Variants in MTCL1 observed in about 807,000 individuals in gnomAD.
The protein encoded by MTCL1 is microtubule cross-linking factor 1.
In MTCL1, 79 loss-of-function variants were observed where a neutral mutation model predicts 141.4. The observed-to-expected ratio is 0.56, with a 90% CI of 0.47 to 0.67. The LOEUF (loss-of-function observed/expected upper bound fraction) is 0.67, where lower values mean the gene tolerates loss of function less well. MTCL1 is among the 30% of genes least tolerant of loss of function. The pLI, the probability that MTCL1 is intolerant of heterozygous loss-of-function variation, is 0.00. For missense variants in MTCL1, 2,177 were observed against 2,113.9 expected (o/e 1.03, Z -0.59); for synonymous variants, 914 against 875.8 (o/e 1.04, Z -0.77).
chr18:8,741,696 T>A (rs1442572681), intron 4 of MTCL1, among the ~76,000 whole-genome samples: 1 of 152,176 alleles, frequency 6.6e-6, no homozygotes, highest in Non-Finnish European at 1.5e-5. Flanking sequence ...CGCAAATCAG[T>A]TAATGGGTAC....
intron 8 of MTCL1, among the ~76,000 whole-genome samples, chr18:8,795,069 G>A (rs1029611738): frequency 1.3e-5 from 2 of 152,208 alleles, no homozygotes; most frequent in African/African-American, 4.8e-5. Context: ...CTGAGATGAT[G>A]AATAAAATCA....
rs114190580 is a variant in MTCL1, at chr18:8,752,886, G to A, written c.358-24947G>A. Among the ~76,000 whole-genome samples, 1,359 of 152,292 alleles carry A rather than the reference G, an allele frequency of 8.9e-3. 15 individuals are homozygous for A. The highest frequency in any genetic ancestry group is 0.031 in the African/African-American group (1,270 of 41,544). ...CACAGTGAGCCATAATGAGGCCTGA[G>A]TACAGTGCCACAAAGAGCTGGACAT... On this transcript the variant is annotated intron_variant, in intron 4 of 16. Transcript: ENST00000359865.
chr18:8,774,327 T>C (rs894799589), intron 4 of MTCL1, among the ~76,000 whole-genome samples: 2 of 152,142 alleles, frequency 1.3e-5, no homozygotes, highest in Non-Finnish European at 2.9e-5. Context: ...CAAAATGGTT[T>C]GGAAGAAACA....
rs112073373 is a variant in MTCL1 at position 8,724,373 on chromosome 18, T to C, written c.357+3877T>C. ...TTGCAGTGAGCCGAGATCGCGCCATTGCACTCCAACTTGGGCAACAAGAGC... is the reference window on the plus strand; with the variant it reads ...TTGCAGTGAGCCGAGATCGCGCCATCGCACTCCAACTTGGGCAACAAGAGC... On this transcript the variant is annotated intron_variant, in intron 4 of 16. Transcript: ENST00000359865. Among the ~76,000 whole-genome samples, 265 of 152,240 alleles carry C rather than the reference T, an allele frequency of 1.7e-3. 2 individuals carry two copies. The highest frequency in any genetic ancestry group is 6.0e-3 in the African/African-American group (250 of 41,542).
chr18:8,786,003 G>A lies in MTCL1; in HGVS notation c.1799G>A (p.Arg600His), dbSNP rs373511257. The A allele has an allele frequency of 1.2e-4, 186 of 1,606,938 alleles. No individual in the cohort carries two copies. Among genetic ancestry groups the A allele is most frequent in the East Asian group, 7.1e-4 (32 of 44,768 alleles). Reference sequence around the variant, plus strand: ...CGAGGGGACGAGCGGGAGAGCCTGCGCCTCCGAGCCGCGCGGGAGCTGCAC... The same window carrying A: ...CGAGGGGACGAGCGGGAGAGCCTGCACCTCCGAGCCGCGCGGGAGCTGCAC... Residue 600 changes from arginine to histidine, a missense_variant, in exon 7 of 17, where the codon CGC (arginine) becomes CAC (histidine). Arg to His is a conservative substitution (Grantham distance 29). Coordinates refer to ENST00000359865, the Ensembl canonical transcript of MTCL1.
intron 4 of MTCL1, among the ~76,000 whole-genome samples, chr18:8,773,008 A>G (rs563454480): frequency 6.6e-6 from 1 of 152,316 alleles, no homozygotes; most frequent in South Asian, 2.1e-4. Flanking sequence ...CACTATGTGT[A>G]TTCTGAGATG....
At chr18:8,748,984 A>G (rs1391127787) in intron 4 of MTCL1, among the ~76,000 whole-genome samples, 2 of 152,242 alleles carry the variant, frequency 1.3e-5, no homozygotes, top group Non-Finnish European at 1.5e-5. Flanking sequence ...TCACTCTGCT[A>G]GCACATGATG....
At chr18:8,726,504 C>T (rs1284893762) in intron 4 of MTCL1, among the ~76,000 whole-genome samples, 2 of 87,364 alleles carry the variant, frequency 2.3e-5, no homozygotes, top group Non-Finnish European at 2.6e-5. Flanking sequence ...AGCGCGCGCG[C>T]GCGCAAGAGC....
chr18:8,771,012 G>A (rs750280895), intron 4 of MTCL1, among the ~76,000 whole-genome samples: 1 of 152,188 alleles, frequency 6.6e-6, no homozygotes, highest in Non-Finnish European at 1.5e-5. Flanking sequence ...AAAGGGATGA[G>A]TGAACAGGAG....
chr18:8,749,097 C>T (rs773415606), intron 4 of MTCL1, among the ~76,000 whole-genome samples: 9 of 152,214 alleles, frequency 5.9e-5, no homozygotes, highest in Non-Finnish European at 8.8e-5. Context: ...ATTTGTTTGG[C>T]AGCATTAAAA....
At chr18:8,791,935 A>G (rs2075742308) in intron 7 of MTCL1, among the ~76,000 whole-genome samples, 1 of 151,924 alleles carries the variant, frequency 6.6e-6, no homozygotes, top group Non-Finnish European at 1.5e-5. Flanking sequence ...TTTCCTTAAT[A>G]CCCCTTTCTC....
chr18:8,814,502 A>G (rs1360091084), intron 12 of MTCL1, among the ~76,000 whole-genome samples: 1 of 152,248 alleles, frequency 6.6e-6, no homozygotes, highest in Admixed American at 6.5e-5. Flanking sequence ...GAAATGCAGC[A>G]CTTGTGAAGA....
At chr18:8,758,842 T>A (rs183491359) in intron 4 of MTCL1, among the ~76,000 whole-genome samples, 25 of 152,332 alleles carry the variant, frequency 1.6e-4, no homozygotes, top group South Asian at 6.2e-4. Context: ...GGAAACCAGA[T>A]GACAAGATTC....
chr18:8,764,955 GA>G (rs1449887185), intron 4 of MTCL1, among the ~76,000 whole-genome samples: 1 of 152,194 alleles, frequency 6.6e-6, no homozygotes, highest in Non-Finnish European at 1.5e-5. Flanking sequence ...GATAAAAAGA[GA>G]AGAAATAAAA....
chr18:8,759,454 G>A (rs1057150989), intron 4 of MTCL1, among the ~76,000 whole-genome samples: 1 of 152,192 alleles, frequency 6.6e-6, no homozygotes, highest in Non-Finnish European at 1.5e-5. Flanking sequence ...GATTTCTTCT[G>A]TACAGCTAGG....
chr18:8,766,255 A>G (rs778660886), intron 4 of MTCL1, among the ~76,000 whole-genome samples: 8 of 152,192 alleles, frequency 5.3e-5, no homozygotes, highest in African/African-American at 7.2e-5. Flanking sequence ...ATGATGCCTC[A>G]TGAGGCCTCC....
chr18:8,786,720 C>A, intron 7 of MTCL1: 1 of 233,098 alleles, frequency 4.3e-6, no homozygotes, highest in Non-Finnish European at 8.6e-6. Context: ...CGACCCGGGA[C>A]AGAAAGAGGG....
At chr18:8,831,936 C>A in exon 17 of MTCL1, 1 of 1,042,026 alleles carries the variant, frequency 9.6e-7, no homozygotes, top group Non-Finnish European at 1.4e-6. Flanking sequence ...AAACACAAAG[C>A]TGCTGAATGT....
chr18:8,811,436 T>G (rs1330337795), intron 11 of MTCL1, among the ~76,000 whole-genome samples: 2 of 152,182 alleles, frequency 1.3e-5, no homozygotes, highest in Non-Finnish European at 2.9e-5. Context: ...ACGTGAAGTT[T>G]GGGGGACAAA....
Sources: allele counts gnomAD v4.1 joint callset (sites outside exome capture counted in the v4.1 genomes callset), GRCh38; gene constraint gnomAD v4.1.1; transcripts MANE v1.5; gene names NCBI Gene and HGNC (gene_info 2026-07-23, HGNC 2026-07-21).